The following GLIS3 variants were observed in gnomAD, a reference collection of about 807,000 sequenced individuals.
GLIS3 encodes zinc finger protein GLIS3.
GLIS3 carries 53 observed loss-of-function variants against 78.6 expected under a neutral mutation model. That is an observed-to-expected ratio of 0.67 (90% CI 0.54 to 0.85). The LOEUF (loss-of-function observed/expected upper bound fraction) is 0.85, where lower values mean the gene tolerates loss of function less well. GLIS3 is among the 40% of genes least tolerant of loss of function. The pLI, the probability that GLIS3 is intolerant of heterozygous loss-of-function variation, is 0.00. For missense variants in GLIS3, 1,703 were observed against 1,231.1 expected, an observed-to-expected ratio of 1.38 and a Z score of -5.74; for synonymous variants, 684 against 509.9, an observed-to-expected ratio of 1.34 and a Z score of -4.60.
intron 4 of GLIS3, among the ~76,000 whole-genome samples, chr9:3,991,692 T>A (rs1462899809): frequency 8.2e-5 from 11 of 133,526 alleles, no homozygotes; most frequent in African/African-American, 2.9e-4. Context: ...GATTTTTTTT[T>A]TTTTTTTTTT....
chr9:3,856,517 T>A (rs1349429842), intron 8 of GLIS3, among the ~76,000 whole-genome samples: 2 of 152,234 alleles, frequency 1.3e-5, no homozygotes, highest in African/African-American at 4.8e-5. Flanking sequence ...AAGCCCTTTT[T>A]CTGCTAATTT....
chr9:3,876,319 GAAAT>G (rs77106624), intron 8 of GLIS3, among the ~76,000 whole-genome samples: 111,508 of 151,158 alleles, frequency 0.74, 41,513 homozygotes, highest in East Asian at 0.97. Context: ...AGATGAAAAA[GAAAT>G]AAAAATTAAA....
chr9:4,403,177 T>C, the GLIS3 span, among the ~76,000 whole-genome samples: 102 of 152,250 alleles, frequency 6.7e-4, no homozygotes, highest in Middle Eastern at 3.4e-3. Context: ...ATATTTAAAA[T>C]GCTGACGGAA....
chr9:3,963,076 G>C (rs2130889704), intron 4 of GLIS3, among the ~76,000 whole-genome samples: 1 of 152,024 alleles, frequency 6.6e-6, no homozygotes, highest in Non-Finnish European at 1.5e-5. Context: ...CACATATAAA[G>C]GCAAGTATAA....
intron 6 of GLIS3, 193 bp from the exon 7 acceptor site, chr9:3,899,028 G>A (rs1823085978): frequency 1.5e-6 from 1 of 679,976 alleles, no homozygotes; most frequent in Non-Finnish European, 2.5e-6. Context: ...CACCTGGCAA[G>A]AGCTTCTGGA....
the GLIS3 span, among the ~76,000 whole-genome samples, chr9:4,368,394 G>T: frequency 6.6e-6 from 1 of 151,330 alleles, no homozygotes; most frequent in African/African-American, 2.4e-5. Flanking sequence ...ACCCAGGCTG[G>T]AGTGTAGTGG....
At chr9:4,468,976 A>G in the GLIS3 span, among the ~76,000 whole-genome samples, 85,120 of 151,880 alleles carry the variant, frequency 0.56, 24,849 homozygotes, top group Middle Eastern at 0.66. Flanking sequence ...AAAACGCAGG[A>G]TTTGCAATCC....
intron 4 of GLIS3, among the ~76,000 whole-genome samples, chr9:3,970,177 C>G (rs1177560037): frequency 6.6e-6 from 1 of 152,206 alleles, no homozygotes; most frequent in Admixed American, 6.5e-5. Context: ...CAGCAAATAT[C>G]TGGCACAGAT....
intron 10 of GLIS3, among the ~76,000 whole-genome samples, chr9:3,828,752 C>T (rs919725775): frequency 2.6e-5 from 4 of 152,152 alleles, no homozygotes; most frequent in East Asian, 1.9e-4. Context: ...AGGGAAAGAA[C>T]ATTCCAGAAG....
At chr9:3,969,474 G>A (rs373108310) in intron 4 of GLIS3, among the ~76,000 whole-genome samples, 39 of 152,286 alleles carry the variant, frequency 2.6e-4, no homozygotes, top group African/African-American at 9.1e-4. Flanking sequence ...GCACATATCA[G>A]ATACATAGCC....
At chr9:4,266,580 A>C (rs975882400) in intron 2 of GLIS3, among the ~76,000 whole-genome samples, 7 of 134,966 alleles carry the variant, frequency 5.2e-5, no homozygotes, top group Non-Finnish European at 1.1e-4. Context: ...TACATTTTAC[A>C]CATGCATGCG....
At chr9:3,976,593 T>C in intron 4 of GLIS3, among the ~76,000 whole-genome samples, 1 of 151,424 alleles carries the variant, frequency 6.6e-6, no homozygotes, top group Non-Finnish European at 1.5e-5. Flanking sequence ...AAACCTCTAA[T>C]GAATTAATTT....
At chr9:4,131,979 A>C (rs1279027844) in intron 2 of GLIS3, among the ~76,000 whole-genome samples, 1 of 152,054 alleles carries the variant, frequency 6.6e-6, no homozygotes, top group African/African-American at 2.4e-5. Flanking sequence ...CAAGATAGTA[A>C]ATAATGCTGT....
chr9:4,223,835 G>C (rs990196193), intron 2 of GLIS3, among the ~76,000 whole-genome samples: 1 of 152,122 alleles, frequency 6.6e-6, no homozygotes, highest in Admixed American at 6.5e-5. Flanking sequence ...ATCCCAGGCA[G>C]TATAATTACA....
rs528792785 is a variant in GLIS3 at position 4,269,972 on chromosome 9, C to G, written c.388+16066G>C. Among the ~76,000 whole-genome samples, 9 of 152,238 alleles carry G rather than the reference C, an allele frequency of 5.9e-5. 1 individual carries two copies. The East Asian group carries it at 1.7e-3, about 29-fold the overall frequency. On this transcript the variant is annotated intron_variant, in intron 2 of 10. Transcript: ENST00000381971. ...GTCCTTTTCTCTAGGCAAAAATGCC[C>G]CACAGGTGTTTGTAATGGTTCATGG...
chr9:4,013,143 C>A (rs1822167187), intron 4 of GLIS3, among the ~76,000 whole-genome samples: 1 of 152,068 alleles, frequency 6.6e-6, no homozygotes, highest in Non-Finnish European at 1.5e-5. Flanking sequence ...TTGGTGATGC[C>A]TGTAAGGAAA....
chr9:4,230,176 T>C (rs933972307), intron 2 of GLIS3, among the ~76,000 whole-genome samples: 6 of 152,212 alleles, frequency 3.9e-5, no homozygotes, highest in African/African-American at 1.4e-4. Flanking sequence ...ATATTTTATA[T>C]TGAAAATTTA....
chr9:3,846,536 A>G (rs1163973996), intron 9 of GLIS3, among the ~76,000 whole-genome samples: 1 of 152,198 alleles, frequency 6.6e-6, no homozygotes, highest in Non-Finnish European at 1.5e-5. Flanking sequence ...TGTCAGTATC[A>G]TCTATTAAAC....
chr9:4,320,596 A>G (rs2130545138), intron 2 of GLIS3, among the ~76,000 whole-genome samples: 1 of 152,162 alleles, frequency 6.6e-6, no homozygotes, highest in East Asian at 1.9e-4. Context: ...CATCATCATC[A>G]CCAGCACTAC....
Sources: allele counts gnomAD v4.1 joint callset (sites outside exome capture counted in the v4.1 genomes callset), GRCh38; gene constraint gnomAD v4.1.1; transcripts MANE v1.5; gene names NCBI Gene and HGNC (gene_info 2026-07-23, HGNC 2026-07-21).